MYT1L: variants seen among roughly 807,000 people sequenced by gnomAD.
The protein encoded by MYT1L is myelin transcription factor 1-like protein.
Under a neutral mutation model 126.7 loss-of-function variants are expected in MYT1L, and 12 were observed. The observed-to-expected ratio is 0.09, with a 90% CI of 0.06 to 0.15. The LOEUF is 0.15. MYT1L is among the 10% of genes least tolerant of loss of function. The probability of loss-of-function intolerance (pLI) is 1.00; values close to 1 mark genes in which losing one functional copy is unlikely to be tolerated. For synonymous variants in MYT1L, 541 were observed against 604.2 expected (o/e 0.90, Z 1.53); for missense variants, 979 against 1,585.2 (o/e 0.62, Z 6.49).
At chr2:2,194,224 C>A (rs953928568) in intron 2 of MYT1L, among the ~76,000 whole-genome samples, 1 of 151,978 alleles carries the variant, frequency 6.6e-6, no homozygotes, top group African/African-American at 2.4e-5. Flanking sequence ...GGACCACAGG[C>A]ACAAGCCCCT....
chr2:1,872,009 A>C (rs1380164640), intron 18 of MYT1L, among the ~76,000 whole-genome samples: 1 of 152,148 alleles, frequency 6.6e-6, no homozygotes, highest in Non-Finnish European at 1.5e-5. Flanking sequence ...AGCACCTCGC[A>C]TTGTACTTGA....
chr2:1,848,689 G>T lies in MYT1L; in HGVS notation c.2774+2952C>A, dbSNP rs997205780. ...CCAACAGACCTTTAAGAGTTTCCTT[G>T]TTTGCTTGTTGGCTTCTGTCTGTCT... is the stretch of plus-strand genomic sequence containing the variant. On this transcript the variant is annotated intron_variant, in intron 19 of 24. Transcript: ENST00000647738. This position sits in a 1 kb window ranked among gnomAD's most constrained non-coding sequence, Gnocchi z 4.8. 4.6e-5 allele frequency among the ~76,000 whole-genome samples: 7 copies of T among 152,096 alleles called. No individual in the cohort carries two copies. Among genetic ancestry groups the T allele is most frequent in the African/African-American group, 1.7e-4 (7 of 41,418 alleles).
chr2:2,104,023 G>A (rs2078436913), intron 3 of MYT1L, among the ~76,000 whole-genome samples: 1 of 152,194 alleles, frequency 6.6e-6, no homozygotes, highest in Non-Finnish European at 1.5e-5. Context: ...TAGCATTTGT[G>A]AGAATTATTT....
At chr2:2,295,526 G>A (rs1005378316) in intron 1 of MYT1L, among the ~76,000 whole-genome samples, 3 of 103,492 alleles carry the variant, frequency 2.9e-5, no homozygotes, top group Non-Finnish European at 4.1e-5. Flanking sequence ...CAGAGGAGGT[G>A]CAGAGAAAGA....
rs533149116 is a variant in MYT1L at position 1,828,821 on chromosome 2, A to G, written c.3080+10328T>C. ...ATAAATAGAACAATTCACATGTTCC[A>G]GACAGAAAAGGTTTTAAGAGGGCCT... On this transcript the variant is annotated intron_variant, in intron 21 of 24. Coordinates refer to ENST00000647738, the MANE Select transcript of MYT1L (RefSeq NM_001303052.2). Among the ~76,000 whole-genome samples, 5 of 152,372 alleles carry G rather than the reference A, an allele frequency of 3.3e-5. No homozygotes were observed. In the South Asian group the frequency reaches 1.0e-3, roughly 32 times the overall value.
At chr2:2,124,044 GA>G (rs1419828191) in intron 3 of MYT1L, among the ~76,000 whole-genome samples, 1 of 152,210 alleles carries the variant, frequency 6.6e-6, no homozygotes, top group African/African-American at 2.4e-5. Flanking sequence ...TGAAACCACA[GA>G]GTGTATGGCC....
intron 3 of MYT1L, among the ~76,000 whole-genome samples, chr2:2,097,311 G>A (rs1482395935): frequency 6.6e-6 from 1 of 152,122 alleles, no homozygotes; most frequent in African/African-American, 2.4e-5. Flanking sequence ...TGCAGCCCCT[G>A]GAACCCATGC....
At chr2:1,973,090 G>T (rs569634846) in intron 8 of MYT1L, among the ~76,000 whole-genome samples, 2 of 152,176 alleles carry the variant, frequency 1.3e-5, no homozygotes, top group East Asian at 3.9e-4. Context: ...AAATTCAGAG[G>T]GATCACAAAA....
rs148608283 is a variant in MYT1L, at chr2:2,095,039, ATTTGC to A, written c.-303-40921_-303-40917del. Reference sequence around the variant, plus strand: ...GAACCCAGTCCAGCAGGGGTCTCAAATTTGCTTTGCTATGTAATCAAAAAATGATC... The same window carrying A: ...GAACCCAGTCCAGCAGGGGTCTCAAATTTGCTATGTAATCAAAAAATGATC... On this transcript the variant is annotated intron_variant, in intron 3 of 24. Transcript: ENST00000647738. Among the ~76,000 whole-genome samples the A allele has an allele frequency of 4.0e-3, 606 of 152,334 alleles. 2 individuals carry two copies. The highest frequency in any genetic ancestry group is 0.014 in the African/African-American group (586 of 41,568).
At chr2:1,978,640 C>T (rs911520407) in intron 8 of MYT1L, among the ~76,000 whole-genome samples, 10 of 152,176 alleles carry the variant, frequency 6.6e-5, no homozygotes, top group Non-Finnish European at 1.3e-4. Context: ...CAAAGTCTTG[C>T]AAGCTTGATA....
intron 14 of MYT1L, among the ~76,000 whole-genome samples, chr2:1,897,450 C>A (rs1198808060): frequency 2.0e-5 from 3 of 147,702 alleles, no homozygotes; most frequent in African/African-American, 7.4e-5. Context: ...GCAAACAAAA[C>A]TTTTTTTTTT....
intron 3 of MYT1L, among the ~76,000 whole-genome samples, chr2:2,160,855 A>G (rs2087760426): frequency 1.3e-5 from 2 of 152,200 alleles, no homozygotes; most frequent in African/African-American, 2.4e-5. Context: ...GGCCATGTAG[A>G]CCAAAGAAGA....
At position 1,858,050 on chromosome 2, in the gene MYT1L, A is replaced by T. The variant is rs553517193; in HGVS notation, c.2712-6347T>A. Among the ~76,000 whole-genome samples the T allele has an allele frequency of 1.5e-3, 223 of 152,270 alleles. 1 individual carries two copies. Among genetic ancestry groups the T allele is most frequent in the Middle Eastern group, 0.014 (4 of 294 alleles). On this transcript the variant is annotated intron_variant, in intron 18 of 24. Transcript: ENST00000647738. ...GCTAATCTTTTGTATTTTTGTAGAG[A>T]CAGGGGTTTCGCCATGTGGGCCAGG...
chr2:2,054,044 T>C lies in MYT1L; in HGVS notation c.-224A>G, dbSNP rs1156699850. 6.5e-6 allele frequency: 1 copy of C among 152,720 alleles called. No individual in the cohort carries two copies. Among genetic ancestry groups the C allele is most frequent in the African/African-American group, 2.4e-5 (1 of 41,476 alleles). The allele number at this position is 152,720 out of a possible 1,614,324, so 9.5% of individuals were successfully genotyped here. A position where few individuals can be genotyped will look rare whatever the true frequency, so the allele number is the denominator to read the frequency against. On this transcript the variant is annotated 5_prime_UTR_variant, in exon 4 of 25. Coordinates refer to ENST00000647738, the MANE Select transcript of MYT1L (RefSeq NM_001303052.2). ...ACTGGAACCTTTCTTGATGGAATTT[T>C]GTTGATAGCTTGAAAGATGCAAACA...
intron 1 of MYT1L, among the ~76,000 whole-genome samples, chr2:2,290,390 G>A (rs1030850371): frequency 3.9e-5 from 6 of 152,160 alleles, no homozygotes; most frequent in Non-Finnish European, 8.8e-5. Flanking sequence ...ACCTCATCTC[G>A]AAGACTAGCG....
chr2:1,835,782 G>A (rs112233661), intron 21 of MYT1L, among the ~76,000 whole-genome samples: 17 of 152,312 alleles, frequency 1.1e-4, no homozygotes, highest in African/African-American at 4.1e-4. Flanking sequence ...AGAGAGTTCT[G>A]ATGGTGCCTT....
intron 1 of MYT1L, among the ~76,000 whole-genome samples, chr2:2,311,316 A>G (rs1050927118): frequency 1.3e-5 from 2 of 152,228 alleles, no homozygotes; most frequent in African/African-American, 4.8e-5. Flanking sequence ...CAACTTGGAT[A>G]TTCTATGCTG....
intron 9 of MYT1L, among the ~76,000 whole-genome samples, chr2:1,933,790 G>A (rs898539133): frequency 5.3e-5 from 8 of 152,078 alleles, no homozygotes; most frequent in African/African-American, 1.9e-4. Flanking sequence ...ACAGTGCCAT[G>A]AGCCACATAG....
At chr2:1,861,107 C>T (rs1003558598) in intron 18 of MYT1L, among the ~76,000 whole-genome samples, 1 of 152,148 alleles carries the variant, frequency 6.6e-6, no homozygotes, top group Non-Finnish European at 1.5e-5. Context: ...CTGAGGACCC[C>T]GAGGCCCTGA....
Sources: allele counts gnomAD v4.1 joint callset (sites outside exome capture counted in the v4.1 genomes callset), GRCh38; gene constraint gnomAD v4.1.1; non-coding constraint Gnocchi (gnomAD v3.1); transcripts MANE v1.5; gene names NCBI Gene and HGNC (gene_info 2026-07-23, HGNC 2026-07-21).